HIVEP2: variants seen among roughly 807,000 people sequenced by gnomAD.
HIVEP2 encodes transcription factor HIVEP2.
A neutral mutation model predicts 180.7 loss-of-function variants in HIVEP2; 14 were observed. That is an observed-to-expected ratio of 0.08 (90% CI 0.05 to 0.12). HIVEP2 has a LOEUF of 0.12. Ranked by LOEUF, HIVEP2 falls within the 10% of genes least tolerant of loss-of-function variation. The pLI, the probability that HIVEP2 is intolerant of heterozygous loss-of-function variation, is 1.00. For synonymous variants in HIVEP2, 1,184 were observed against 1,136.4 expected, an observed-to-expected ratio of 1.04 and a Z score of -0.84; for missense variants, 2,579 against 3,008.5, an observed-to-expected ratio of 0.86 and a Z score of 3.34.
intron 1 of HIVEP2, among the ~76,000 whole-genome samples, chr6:142,923,682 T>C (rs575573804): frequency 3.0e-4 from 45 of 152,222 alleles, no homozygotes; most frequent in African/African-American, 8.9e-4. Flanking sequence ...CAGCAGATCA[T>C]TTAACCAAAC....
rs368699358 is a variant in HIVEP2 at position 142,891,474 on chromosome 6, G to A, written c.-641+53625C>T. On this transcript the variant is annotated intron_variant, in intron 1 of 9. Transcript: ENST00000367603. ...AAGTGTTCTCACCCACACTCACTTA[G>A]CAGATCCTTACAGATAGGGTATGCC... Among the ~76,000 whole-genome samples, 84 of 151,966 alleles carry A rather than the reference G, an allele frequency of 5.5e-4. No homozygotes were observed. In the South Asian group the frequency reaches 0.016, roughly 30 times the overall value.
At position 142,793,441 on chromosome 6, in the gene HIVEP2, C is replaced by T. The variant is rs551197030; in HGVS notation, c.-527-9826G>A. The stretch of plus-strand genomic sequence containing the variant: ...ATAATTTAACAAAGGAAATTGATGA[C>T]GATATTCTATGCCACATTTCTTTTC... On this transcript the variant is annotated intron_variant, in intron 2 of 9. Coordinates refer to ENST00000367603, the MANE Select transcript of HIVEP2 (RefSeq NM_006734.4). Among the ~76,000 whole-genome samples, 19 of 152,184 alleles carry T rather than the reference C, an allele frequency of 1.2e-4. No homozygotes were observed. The East Asian group carries it at 2.9e-3, about 23-fold the overall frequency.
Position 142,942,509 on chromosome 6 carries a change from G to C in HIVEP2, c.-641+2590C>G, listed in dbSNP as rs146669344. ...ATTCACAAACACATCTCATGCAAAG[G>C]AGCCTGATCAATCAAAATATTCTGC... On this transcript the variant is annotated intron_variant, in intron 1 of 9. Transcript: ENST00000367603. 2.0e-4 allele frequency among the ~76,000 whole-genome samples: 31 copies of C among 152,224 alleles called. 1 individual carries two copies. The highest frequency in any genetic ancestry group is 7.0e-4 in the African/African-American group (29 of 41,542).
At chr6:142,919,172 A>G (rs1426877967) in intron 1 of HIVEP2, among the ~76,000 whole-genome samples, 1 of 152,204 alleles carries the variant, frequency 6.6e-6, no homozygotes, top group Non-Finnish European at 1.5e-5. Context: ...AAGCAGAAAG[A>G]AGCCTCAAAA....
At chr6:142,852,017 T>C (rs576440395) in intron 1 of HIVEP2, among the ~76,000 whole-genome samples, 1 of 152,210 alleles carries the variant, frequency 6.6e-6, no homozygotes, top group Non-Finnish European at 1.5e-5. Context: ...ACCCAGATCA[T>C]TGTCCTAATT....
rs1322440807 is a variant in HIVEP2 at position 142,911,014 on chromosome 6, T to C, written c.-641+34085A>G. ...TTTACTACCAGTCTGCAAAATTTAA[T>C]GAATGCCACCCTCTGCAATGCACTG... On this transcript the variant is annotated intron_variant, in intron 1 of 9. Transcript: ENST00000367603. Among the ~76,000 whole-genome samples the C allele has an allele frequency of 2.0e-5, 3 of 152,006 alleles. No homozygotes were observed. In the East Asian group the frequency reaches 5.8e-4, roughly 29 times the overall value.
chr6:142,882,131 T>C (rs925193564), intron 1 of HIVEP2, among the ~76,000 whole-genome samples: 1 of 152,208 alleles, frequency 6.6e-6, no homozygotes, highest in Non-Finnish European at 1.5e-5. Flanking sequence ...AGCTTATCCT[T>C]AAGCCACTGT....
At chr6:142,786,439 C>T (rs1775999856) in intron 2 of HIVEP2, among the ~76,000 whole-genome samples, 1 of 152,156 alleles carries the variant, frequency 6.6e-6, no homozygotes, top group Non-Finnish European at 1.5e-5. Context: ...TTATATTTCA[C>T]TTCACCACAT....
Position 142,943,744 on chromosome 6 carries a change from A to G in HIVEP2, c.-641+1355T>C, listed in dbSNP as rs181592006. ...GAAAGTACAGGAAACAAGCCTTTCT[A>G]TATTCATTTTAGGCCTAAATAACTC... On this transcript the variant is annotated intron_variant, in intron 1 of 9. Transcript: ENST00000367603. The surrounding 1 kb of genome is among the most constrained non-coding windows in gnomAD (Gnocchi z 4.5). Among the ~76,000 whole-genome samples, 53 of 152,312 alleles carry G rather than the reference A, an allele frequency of 3.5e-4. No homozygotes were observed. The highest frequency in any genetic ancestry group is 1.2e-3 in the African/African-American group (51 of 41,560).
At chr6:142,798,928 T>G (rs1207160435) in intron 2 of HIVEP2, among the ~76,000 whole-genome samples, 1 of 152,178 alleles carries the variant, frequency 6.6e-6, no homozygotes, top group Non-Finnish European at 1.5e-5. Context: ...GGCATTCTTA[T>G]TTATATATTA....
rs777330554 is a variant in HIVEP2, at chr6:142,753,060, C to CA, written c.*46dup. The CA allele has an allele frequency of 2.9e-5, 36 of 1,246,726 alleles. No homozygotes were observed. The South Asian group carries it at 3.1e-4, about 11-fold the overall frequency. 77.2% of individuals were successfully genotyped at this position (1,246,726 alleles called of 1,614,324 possible). ...ACCTCCATTTCTAGAAAAACAAAAA[C>CA]AAAAAAATGGGAAAATGTGGAAATG... is the stretch of plus-strand genomic sequence containing the variant. On this transcript the variant is annotated 3_prime_UTR_variant, in exon 10 of 10. Transcript: ENST00000367603.
intron 6 of HIVEP2, 110 bp from the exon 7 acceptor site, chr6:142,765,084 G>A: frequency 1.0e-6 from 1 of 964,146 alleles, no homozygotes; most frequent in Non-Finnish European, 1.5e-6. Flanking sequence ...GTCTTTTGCA[G>A]ACAATTATTC....
At chr6:142,793,695 C>CTCTCTCTCTCTCTG (rs1562521514) in intron 2 of HIVEP2, among the ~76,000 whole-genome samples, 1 of 125,456 alleles carries the variant, frequency 8.0e-6, no homozygotes, top group East Asian at 3.5e-4. Flanking sequence ...CTCTCTCTCT[C>CTCTCTCTCTCTCTG]TCTGTCTGTC....
chr6:142,827,598 A>G (rs1774946725), intron 2 of HIVEP2, among the ~76,000 whole-genome samples: 1 of 152,248 alleles, frequency 6.6e-6, no homozygotes, highest in Non-Finnish European at 1.5e-5. Context: ...AGAGCCAAGG[A>G]GAGCCCGAGG....
rs145587238 is a variant in HIVEP2, at chr6:142,758,132, A to G, written c.6516+1640T>C. Among the ~76,000 whole-genome samples the G allele has an allele frequency of 1.1e-3, 171 of 152,350 alleles. 2 individuals carry two copies. The highest frequency in any genetic ancestry group is 4.8e-3 in the East Asian group (25 of 5,190). On this transcript the variant is annotated intron_variant, in intron 9 of 9. Coordinates refer to ENST00000367603, the MANE Select transcript of HIVEP2 (RefSeq NM_006734.4). ...TTTACAGTTCTCTATTCATGCTGCA[A>G]TGGCATAAACTGCAGAAGATCCCTC... is the stretch of plus-strand genomic sequence containing the variant.
chr6:142,753,567 C>G lies in HIVEP2; in HGVS notation c.6881G>C (p.Gly2294Ala). 1 of 1,614,180 alleles carries G rather than the reference C, an allele frequency of 6.2e-7. No homozygotes were observed. Among genetic ancestry groups the G allele is most frequent in the Non-Finnish European group, 8.5e-7 (1 of 1,180,014 alleles). Residue 2294 changes from glycine to alanine, a missense_variant, in exon 10 of 10, where the codon GGT becomes GCT. Physicochemically the swap from Gly to Ala is moderately conservative, Grantham distance 60. Coordinates refer to ENST00000367603, the MANE Select transcript of HIVEP2 (RefSeq NM_006734.4). Reference sequence around the variant, plus strand: ...AGGAGAGGAGGGAGTGCTAGGTGGACCAGATGACTGCAAAGCGTGAGGACC... The same window carrying G: ...AGGAGAGGAGGGAGTGCTAGGTGGAGCAGATGACTGCAAAGCGTGAGGACC... The part of the protein sequence containing the change: ...KRGPHALQSS[G>A]PPSTPSSPRL...
rs1277164876 is a variant in HIVEP2, at chr6:142,776,154, G to C, written c.-395C>G. Reference sequence around the variant, plus strand: ...TAAAAACGAAATGATTACCTGAACAGTTTAGAGTTCTTATGGGCATGATTG... The same window carrying C: ...TAAAAACGAAATGATTACCTGAACACTTTAGAGTTCTTATGGGCATGATTG... On this transcript the variant is annotated 5_prime_UTR_variant, in exon 4 of 10. Coordinates refer to ENST00000367603, the MANE Select transcript of HIVEP2 (RefSeq NM_006734.4). 1 of 152,566 alleles carries C rather than the reference G, an allele frequency of 6.6e-6. No individual in the cohort carries two copies. The highest frequency in any genetic ancestry group is 2.1e-4 in the South Asian group (1 of 4,832). 9.5% of individuals were successfully genotyped at this position (152,566 alleles called of 1,614,324 possible).
rs552619662 is a variant in HIVEP2 at position 142,915,115 on chromosome 6, T to C, written c.-641+29984A>G. On this transcript the variant is annotated intron_variant, in intron 1 of 9. Transcript: ENST00000367603. ...TGTAAGAATGGGAACTGGGTCATGA[T>C]TGTCACTGCTTCCCCTGGAGAGCCT... is the stretch of plus-strand genomic sequence containing the variant. 2.0e-5 allele frequency among the ~76,000 whole-genome samples: 3 copies of C among 152,312 alleles called. No individual in the cohort carries two copies. In the South Asian group the frequency reaches 6.2e-4, roughly 32 times the overall value.
At chr6:142,795,061 C>T (rs1776250094) in intron 2 of HIVEP2, among the ~76,000 whole-genome samples, 1 of 152,054 alleles carries the variant, frequency 6.6e-6, no homozygotes, top group African/African-American at 2.4e-5. Context: ...ATTTGGGTTT[C>T]AGTCAGCATT....
Sources: allele counts gnomAD v4.1 joint callset (sites outside exome capture counted in the v4.1 genomes callset), GRCh38; gene constraint gnomAD v4.1.1; non-coding constraint Gnocchi (gnomAD v3.1); transcripts MANE v1.5; gene names NCBI Gene and HGNC (gene_info 2026-07-23, HGNC 2026-07-21).